PSD2: variants seen among roughly 807,000 people sequenced by gnomAD.
PSD2 encodes the protein pleckstrin and Sec7 domain containing 2.
A neutral mutation model predicts 69.8 loss-of-function variants in PSD2; 38 were observed. The observed-to-expected ratio is 0.54, with a 90% CI of 0.42 to 0.71. The LOEUF (loss-of-function observed/expected upper bound fraction) is 0.71, where lower values mean the gene tolerates loss of function less well. PSD2 is among the 30% of genes least tolerant of loss of function. PSD2 has a pLI of 0.00. For synonymous variants in PSD2, 412 were observed against 423.0 expected, an observed-to-expected ratio of 0.97 and a Z score of 0.32; for missense variants, 943 against 1,014.5, an observed-to-expected ratio of 0.93 and a Z score of 0.96.
the PSD2 span, among the ~76,000 whole-genome samples, chr5:139,752,868 G>A: frequency 1.4e-3 from 216 of 152,264 alleles, no homozygotes; most frequent in Admixed American, 5.0e-3. Context: ...TTTATAACAC[G>A]GCAGCGCCCC....
the PSD2 span, among the ~76,000 whole-genome samples, chr5:139,748,534 C>T: frequency 2.6e-5 from 4 of 152,234 alleles, no homozygotes; most frequent in East Asian, 7.7e-4. Context: ...CAAGCCAGCA[C>T]CCAGCAACAC....
At position 139,838,165 on chromosome 5, in the gene PSD2, C is replaced by G. The variant is rs141362282; in HGVS notation, c.1823+383C>G. On this transcript the variant is annotated intron_variant, in intron 12 of 14. Transcript: ENST00000274710. ...GTAACCTGTAAGGCTGTCCTACCAC[C>G]TCTCGTCCTCCTGTGACTTGAGATT... Among the ~76,000 whole-genome samples, 367 of 152,342 alleles carry G rather than the reference C, an allele frequency of 2.4e-3. 1 individual carries two copies. The highest frequency in any genetic ancestry group is 8.1e-3 in the African/African-American group (336 of 41,580).
At chr5:139,805,961 G>T (rs2126930206) in intron 1 of PSD2, among the ~76,000 whole-genome samples, 1 of 152,306 alleles carries the variant, frequency 6.6e-6, no homozygotes, top group African/African-American at 2.4e-5. Context: ...GGGAGAGTGA[G>T]GAGGGGGACA....
chr5:139,789,478 T>C, the PSD2 span, among the ~76,000 whole-genome samples: 1 of 152,162 alleles, frequency 6.6e-6, no homozygotes, highest in South Asian at 2.1e-4. Context: ...CTTCTTCCTT[T>C]ATTAAGGAAG....
At chr5:139,794,686 C>A (rs1307239639), upstream of PSD2, among the ~76,000 whole-genome samples, 4 of 152,176 alleles carry the variant, frequency 2.6e-5, no homozygotes, top group African/African-American at 9.7e-5. Flanking sequence ...GTGAACCCCC[C>A]AGGGGCTGGA....
the PSD2 span, among the ~76,000 whole-genome samples, chr5:139,789,355 G>C: frequency 6.6e-6 from 1 of 152,308 alleles, no homozygotes; most frequent in East Asian, 1.9e-4. Context: ...CCTCCTCAGA[G>C]AGGCCTTCGC....
In PSD2 at chr5:139,837,633, C is replaced by T. The variant is rs368872073; in HGVS notation, c.1674C>T (p.Tyr558=). Residue 558 remains tyrosine, a synonymous_variant, in exon 12 of 15, where the codon TAC becomes TAT. Transcript: ENST00000274710. This position sits in a 1 kb window ranked among gnomAD's most constrained non-coding sequence, Gnocchi z 5.0. ...GTILYLQKDE[Y]RPDKALSEGD... is the part of the protein sequence containing the mutation. ...CATCCTGCCCCACCCAGGATGAGTA[C>T]AGGCCTGACAAAGCTCTATCGGAGG... 3 of 1,610,082 alleles carry T rather than the reference C, an allele frequency of 1.9e-6. No homozygotes were observed. The highest frequency in any genetic ancestry group is 1.3e-5 in the African/African-American group (1 of 74,876).
chr5:139,762,266 C>T, the PSD2 span, among the ~76,000 whole-genome samples: 2 of 151,966 alleles, frequency 1.3e-5, no homozygotes, highest in African/African-American at 4.8e-5. Context: ...TGGTCTTGAA[C>T]TCCTAACCTC....
intron 1 of PSD2, among the ~76,000 whole-genome samples, chr5:139,799,156 G>A (rs2126922322): frequency 6.6e-6 from 1 of 152,300 alleles, no homozygotes; most frequent in East Asian, 1.9e-4. Flanking sequence ...TTGTCCTGTA[G>A]TAGGTGGTGG....
At chr5:139,752,274 T>C in the PSD2 span, among the ~76,000 whole-genome samples, 2 of 152,182 alleles carry the variant, frequency 1.3e-5, no homozygotes, top group Non-Finnish European at 2.9e-5. Flanking sequence ...TCTCTTTTTC[T>C]GTTTCTGCCT....
chr5:139,834,729 A>G (rs187803977), intron 8 of PSD2, among the ~76,000 whole-genome samples: 125 of 152,110 alleles, frequency 8.2e-4, no homozygotes, highest in African/African-American at 2.9e-3. Flanking sequence ...TCTTCTTACT[A>G]TATTATATTC....
At chr5:139,786,390 T>C in the PSD2 span, among the ~76,000 whole-genome samples, 1 of 152,190 alleles carries the variant, frequency 6.6e-6, no homozygotes, top group African/African-American at 2.4e-5. Context: ...CCTGCTTCGC[T>C]TTATTAAAAA....
the PSD2 span, among the ~76,000 whole-genome samples, chr5:139,790,632 C>T: frequency 6.6e-5 from 10 of 152,120 alleles, no homozygotes; most frequent in African/African-American, 1.7e-4. Flanking sequence ...CGGGGATGAA[C>T]GGTGTCAGAT....
the PSD2 span, among the ~76,000 whole-genome samples, chr5:139,756,991 C>T: frequency 2.6e-5 from 4 of 152,210 alleles, no homozygotes; most frequent in Admixed American, 2.0e-4. Flanking sequence ...AAGGTTGGAA[C>T]TCATGTTTTT....
At chr5:139,742,756 G>A in the PSD2 span, among the ~76,000 whole-genome samples, 1 of 152,216 alleles carries the variant, frequency 6.6e-6, no homozygotes, top group Non-Finnish European at 1.5e-5. Context: ...GTGTGTGAAT[G>A]AGTGTGTGAG....
rs1760073347 is a variant in PSD2 at position 139,814,675 on chromosome 5, A to G, written c.1016+311A>G. ...TGGATGTGAGGACAGAGAAGCCAGC[A>G]GGAGCTGGGCCCAGCTAATGGGGCC... On this transcript the variant is annotated intron_variant, in intron 4 of 14. Transcript: ENST00000274710. This position sits in a 1 kb window ranked among gnomAD's most constrained non-coding sequence, Gnocchi z 4.4. 6.6e-6 allele frequency among the ~76,000 whole-genome samples: 1 copy of G among 152,082 alleles called. No homozygotes were observed. The highest frequency in any genetic ancestry group is 2.4e-5 in the African/African-American group (1 of 41,418).
chr5:139,817,517 CA>C lies in PSD2; in HGVS notation c.1054del (p.Ser352ValfsTer8). On this transcript the variant is annotated frameshift_variant, in exon 5 of 15. Coordinates refer to ENST00000274710, the MANE Select transcript of PSD2 (RefSeq NM_032289.4). LOFTEE classifies it high-confidence loss of function. ...FSRLVAGEYL[S>X]FFDFSGLTLD... is the part of the protein sequence containing the mutation. Reference sequence around the variant, plus strand: ...GCAGGCTGGTGGCCGGGGAGTACCTCAGTTTCTTCGACTTCTCGGGCTTGAC... The same window carrying C: ...GCAGGCTGGTGGCCGGGGAGTACCTCGTTTCTTCGACTTCTCGGGCTTGAC... 6.2e-7 allele frequency: 1 copy of C among 1,614,178 alleles called. No homozygotes were observed. Among genetic ancestry groups the C allele is most frequent in the Non-Finnish European group, 8.5e-7 (1 of 1,180,020 alleles).
intron 14 of PSD2, among the ~76,000 whole-genome samples, chr5:139,841,803 A>G (rs1760877797): frequency 6.6e-6 from 1 of 152,190 alleles, no homozygotes; most frequent in Non-Finnish European, 1.5e-5. Flanking sequence ...CTTTCTTTGG[A>G]GAAATGTAAA....
the PSD2 span, among the ~76,000 whole-genome samples, chr5:139,753,409 C>G: frequency 1.3e-5 from 2 of 152,290 alleles, no homozygotes; most frequent in East Asian, 3.9e-4. Context: ...GTCCCCATGG[C>G]CAGTGTGGCT....
Sources: allele counts gnomAD v4.1 joint callset (sites outside exome capture counted in the v4.1 genomes callset), GRCh38; gene constraint gnomAD v4.1.1; non-coding constraint Gnocchi (gnomAD v3.1); transcripts MANE v1.5; gene names NCBI Gene and HGNC (gene_info 2026-07-23, HGNC 2026-07-21).